TNFAIP8: variants seen among roughly 807,000 people sequenced by gnomAD.
TNFAIP8 encodes TNF alpha induced protein 8.
In TNFAIP8, 7 loss-of-function variants were observed where a neutral mutation model predicts 13.3. The ratio of observed to expected loss-of-function variants is 0.52; its 90% CI spans 0.30 to 0.99. TNFAIP8 has a LOEUF of 0.99. Ranked by LOEUF, TNFAIP8 falls within the 50% of genes least tolerant of loss-of-function variation. The probability of loss-of-function intolerance (pLI) is 0.07; values close to 1 mark genes in which losing one functional copy is unlikely to be tolerated. For missense variants in TNFAIP8, 258 were observed against 236.9 expected (o/e 1.09, Z -0.58); for synonymous variants, 94 against 87.6 (o/e 1.07, Z -0.41).
At position 119,393,564 on chromosome 5, in the gene TNFAIP8, CA is replaced by C. The variant is rs564125683; in HGVS notation, c.*188del. 1.0e-5 allele frequency: 7 copies of C among 685,828 alleles called. No individual in the cohort carries two copies. The highest frequency in any genetic ancestry group is 6.3e-5 in the South Asian group (3 of 47,754). The allele number at this position is 685,828 out of a possible 1,614,324, so 42.5% of individuals were successfully genotyped here. A position where few individuals can be genotyped will look rare whatever the true frequency, so the allele number is the denominator to read the frequency against. On this transcript the variant is annotated 3_prime_UTR_variant, in exon 2 of 2. Coordinates refer to ENST00000504771, the MANE Select transcript of TNFAIP8 (RefSeq NM_014350.4). ...TTTTATTTGAAGAAAAGCATATTGC[CA>C]AAAATTCTGGTTAAAAGCTTCCTAA...
At position 119,359,786 on chromosome 5, in the gene TNFAIP8, A is replaced by G. The variant is rs150336651; in HGVS notation, c.31+3665A>G. ...TTGCAGAGGGAATGAAGAGAAAAGG[A>G]GGTTAAAGCAGTGGTTCAGCTCTGA... On this transcript the variant is annotated intron_variant, in intron 1 of 1. Coordinates refer to ENST00000504771, the MANE Select transcript of TNFAIP8 (RefSeq NM_014350.4). Among the ~76,000 whole-genome samples the G allele has an allele frequency of 3.2e-3, 491 of 152,358 alleles. 2 individuals are homozygous for G. Among genetic ancestry groups the G allele is most frequent in the African/African-American group, 0.011 (464 of 41,580 alleles).
chr5:119,380,187 A>G (rs1413228419), intron 1 of TNFAIP8, among the ~76,000 whole-genome samples: 3 of 152,240 alleles, frequency 2.0e-5, no homozygotes, highest in Admixed American at 6.5e-5. Flanking sequence ...CAAACCAGAA[A>G]TTCATTTAAA....
intron 1 of TNFAIP8, among the ~76,000 whole-genome samples, chr5:119,386,317 G>A (rs1338862095): frequency 6.6e-6 from 1 of 152,172 alleles, no homozygotes; most frequent in East Asian, 1.9e-4. Context: ...CTTAAGAGCA[G>A]TCAAACAAGA....
intron 1 of TNFAIP8, among the ~76,000 whole-genome samples, chr5:119,315,676 C>G (rs1289044840): frequency 6.6e-6 from 1 of 152,084 alleles, no homozygotes; most frequent in Non-Finnish European, 1.5e-5. Flanking sequence ...GTGTAATGGA[C>G]AGGAGGGAAG....
chr5:119,315,202 C>T (rs1226504887), intron 1 of TNFAIP8, among the ~76,000 whole-genome samples: 1 of 152,218 alleles, frequency 6.6e-6, no homozygotes, highest in Non-Finnish European at 1.5e-5. Flanking sequence ...CCTGCTTCAG[C>T]CTCCTGAGTA....
intron 1 of TNFAIP8, among the ~76,000 whole-genome samples, chr5:119,311,888 G>T (rs564488193): frequency 6.6e-6 from 1 of 152,198 alleles, no homozygotes; most frequent in Non-Finnish European, 1.5e-5. Context: ...CCATAGACCT[G>T]TGGTGCTTAA....
intron 1 of TNFAIP8, among the ~76,000 whole-genome samples, chr5:119,301,287 A>T (rs1749383134): frequency 2.0e-5 from 3 of 152,090 alleles, no homozygotes; most frequent in Admixed American, 2.0e-4. Context: ...CTCTATGCTT[A>T]TGCCATCTAG....
chr5:119,327,277 C>T (rs1394406761), intron 1 of TNFAIP8, among the ~76,000 whole-genome samples: 1 of 152,078 alleles, frequency 6.6e-6, no homozygotes, highest in Non-Finnish European at 1.5e-5. Flanking sequence ...AGTACATGAA[C>T]ATGTGGGCTC....
chr5:119,375,761 T>C (rs1437177474), intron 1 of TNFAIP8, among the ~76,000 whole-genome samples: 3 of 152,188 alleles, frequency 2.0e-5, no homozygotes, highest in African/African-American at 7.2e-5. Context: ...CCGATTTCAA[T>C]AGAGGCAAAA....
At chr5:119,286,300 G>C (rs1463914694) in intron 1 of TNFAIP8, among the ~76,000 whole-genome samples, 3 of 152,056 alleles carry the variant, frequency 2.0e-5, no homozygotes, top group African/African-American at 7.2e-5. Context: ...CTCTAACCCA[G>C]AATAGTCAAT....
chr5:119,303,928 T>C (rs1222478849), intron 1 of TNFAIP8, among the ~76,000 whole-genome samples: 1 of 152,200 alleles, frequency 6.6e-6, no homozygotes, highest in Non-Finnish European at 1.5e-5. Flanking sequence ...GAGTTCTAAA[T>C]GTCAGTATTT....
At chr5:119,295,535 T>A (rs1183894472) in intron 1 of TNFAIP8, among the ~76,000 whole-genome samples, 5 of 152,106 alleles carry the variant, frequency 3.3e-5, no homozygotes, top group Non-Finnish European at 5.9e-5. Context: ...TACTGTAGCC[T>A]TGTAGTATAG....
rs1278140072 is a variant in TNFAIP8 at position 119,386,406 on chromosome 5, T to TA, written c.32-6409dup. Among the ~76,000 whole-genome samples, 10 of 152,212 alleles carry TA rather than the reference T, an allele frequency of 6.6e-5. 1 individual carries two copies. Among genetic ancestry groups the TA allele is most frequent in the African/African-American group, 2.2e-4 (9 of 41,454 alleles). On this transcript the variant is annotated intron_variant, in intron 1 of 1. Transcript: ENST00000504771. ...TATGTAGAAGAGCCATTTGCAATAT[T>TA]ATCAGTTTTCTACAATTTACAGAGT...
At position 119,399,138 on chromosome 5, in the gene TNFAIP8, A is replaced by T. The variant is rs1346410614; in HGVS notation, c.*5757A>T. ...CTTGCTAAAATATTCACTGGAGAAC[A>T]TGGTGAAATCCACGAGTGGAAACGT... On this transcript the variant is annotated 3_prime_UTR_variant, in exon 2 of 2. Transcript: ENST00000504771. The T allele has an allele frequency of 6.6e-6, 1 of 152,232 alleles. No homozygotes were observed. The highest frequency in any genetic ancestry group is 1.5e-5 in the Non-Finnish European group (1 of 68,032). The allele number at this position is 152,232 out of a possible 1,614,324, so 9.4% of individuals were successfully genotyped here.
chr5:119,328,741 A>G (rs1372908970), intron 1 of TNFAIP8, among the ~76,000 whole-genome samples: 1 of 152,248 alleles, frequency 6.6e-6, no homozygotes, highest in Non-Finnish European at 1.5e-5. Context: ...CAGAATTTCT[A>G]GAAATTTACA....
intron 1 of TNFAIP8, among the ~76,000 whole-genome samples, chr5:119,379,526 T>C (rs147316857): frequency 6.6e-5 from 10 of 152,282 alleles, no homozygotes; most frequent in African/African-American, 2.4e-4. Context: ...GGCAGATATA[T>C]AGCTTTTCTT....
Position 119,398,119 on chromosome 5 carries a change from C to G in TNFAIP8, c.*4738C>G, listed in dbSNP as rs922972166. The G allele has an allele frequency of 1.3e-5, 2 of 152,160 alleles. No homozygotes were observed. Among genetic ancestry groups the G allele is most frequent in the African/African-American group, 4.8e-5 (2 of 41,438 alleles). The allele number at this position is 152,160 out of a possible 1,614,324, so 9.4% of individuals were successfully genotyped here. ...TATGTCCACCAAATTTGCATGAGATCTTTATAAGATTAGACAGCCAGTGGA... is the reference window on the plus strand; with the variant it reads ...TATGTCCACCAAATTTGCATGAGATGTTTATAAGATTAGACAGCCAGTGGA... On this transcript the variant is annotated 3_prime_UTR_variant, in exon 2 of 2. Coordinates refer to ENST00000504771, the MANE Select transcript of TNFAIP8 (RefSeq NM_014350.4).
intron 1 of TNFAIP8, among the ~76,000 whole-genome samples, chr5:119,337,287 A>G (rs1221637081): frequency 1.3e-5 from 2 of 152,134 alleles, no homozygotes; most frequent in African/African-American, 4.8e-5. Flanking sequence ...TTTTTTGCCA[A>G]CCAAGGTGAT....
chr5:119,391,270 C>T, intron 1 of TNFAIP8: 1 of 644,764 alleles, frequency 1.6e-6, no homozygotes, highest in Non-Finnish European at 2.8e-6. Context: ...TAGAAATAAT[C>T]TTATATAATC....
Sources: gnomAD v4.1 joint callset for allele counts (sites outside exome capture counted in the v4.1 genomes callset) on GRCh38, gnomAD v4.1.1 for gene constraint, MANE v1.5 for transcripts, NCBI Gene and HGNC (gene_info 2026-07-23, HGNC 2026-07-21) for gene names.